The following RIMS2 variants were observed in gnomAD, a reference collection of about 807,000 sequenced individuals.
RIMS2 encodes the protein regulating synaptic membrane exocytosis protein 2.
In RIMS2, 59 loss-of-function variants were observed where a neutral mutation model predicts 174.4. That is an observed-to-expected ratio of 0.34 (90% CI 0.27 to 0.42). The LOEUF (loss-of-function observed/expected upper bound fraction) is 0.42, where lower values mean the gene tolerates loss of function less well. RIMS2 is among the 10% of genes least tolerant of loss of function. The pLI, the probability that RIMS2 is intolerant of heterozygous loss-of-function variation, is 1.00. For missense variants in RIMS2, 1,620 were observed against 1,666.3 expected, an observed-to-expected ratio of 0.97 and a Z score of 0.48; for synonymous variants, 606 against 572.5, an observed-to-expected ratio of 1.06 and a Z score of -0.84.
At chr8:103,898,548 T>C (rs1030612626) in intron 4 of RIMS2, among the ~76,000 whole-genome samples, 1 of 151,498 alleles carries the variant, frequency 6.6e-6, no homozygotes, top group African/African-American at 2.4e-5. Flanking sequence ...TTTTTTAGGA[T>C]GTATCAATGC....
intron 19 of RIMS2, among the ~76,000 whole-genome samples, chr8:104,063,153 A>G (rs2154560655): frequency 6.6e-6 from 1 of 152,152 alleles, no homozygotes; most frequent in African/African-American, 2.4e-5. Context: ...ACAACTTAAT[A>G]TTTACACCAA....
chr8:103,915,115 A>T (rs548444986), intron 6 of RIMS2, among the ~76,000 whole-genome samples: 7 of 152,194 alleles, frequency 4.6e-5, no homozygotes, highest in Non-Finnish European at 1.0e-4. Context: ...AAGAAACAAA[A>T]ATTTTGTATT....
chr8:103,802,138 G>T (rs1025952100), intron 3 of RIMS2, among the ~76,000 whole-genome samples: 14 of 152,120 alleles, frequency 9.2e-5, no homozygotes, highest in South Asian at 2.1e-4. Flanking sequence ...AGCTGTTGTG[G>T]AGAGAATTTT....
At chr8:103,656,581 G>A (rs1394905546) in intron 1 of RIMS2, among the ~76,000 whole-genome samples, 1 of 152,156 alleles carries the variant, frequency 6.6e-6, no homozygotes, top group Non-Finnish European at 1.5e-5. Flanking sequence ...GTTCTGTGGG[G>A]ACTTCTGGTT....
intron 19 of RIMS2, among the ~76,000 whole-genome samples, chr8:104,193,160 G>A (rs1473165614): frequency 6.6e-6 from 1 of 152,018 alleles, no homozygotes; most frequent in African/African-American, 2.4e-5. Flanking sequence ...CCTTCAGTGT[G>A]TGTATGTGCT....
intron 3 of RIMS2, among the ~76,000 whole-genome samples, chr8:103,815,685 G>T (rs1281511253): frequency 6.6e-6 from 1 of 152,146 alleles, no homozygotes; most frequent in African/African-American, 2.4e-5. Context: ...GAAGGATAGA[G>T]ACTTGGACAA....
chr8:104,038,218 A>T (rs1165941089), intron 19 of RIMS2, among the ~76,000 whole-genome samples: 1 of 151,970 alleles, frequency 6.6e-6, no homozygotes, highest in African/African-American at 2.4e-5. Context: ...GAGTTTATTC[A>T]TTATATTTTA....
chr8:103,822,807 C>G (rs1178882130), intron 3 of RIMS2, among the ~76,000 whole-genome samples: 4 of 151,896 alleles, frequency 2.6e-5, no homozygotes, highest in Admixed American at 6.6e-5. Flanking sequence ...ATTGTAAACT[C>G]TCTCTCAAGT....
chr8:104,080,206 C>G (rs2097388081), intron 19 of RIMS2, among the ~76,000 whole-genome samples: 1 of 151,896 alleles, frequency 6.6e-6, no homozygotes, highest in African/African-American at 2.4e-5. Context: ...TTTCTATCTA[C>G]AAATTGAAGG....
intron 1 of RIMS2, among the ~76,000 whole-genome samples, chr8:103,609,574 C>CTATA (rs1278799798): frequency 6.6e-6 from 1 of 152,156 alleles, no homozygotes; most frequent in Non-Finnish European, 1.5e-5. Flanking sequence ...TCTGCAAACA[C>CTATA]TATAGTCAGT....
chr8:103,815,930 A>G (rs2098715419), intron 3 of RIMS2, among the ~76,000 whole-genome samples: 1 of 152,230 alleles, frequency 6.6e-6, no homozygotes, highest in African/African-American at 2.4e-5. Context: ...ACCATAGCTC[A>G]GATACATAAA....
At chr8:103,812,970 T>C (rs16870727) in intron 3 of RIMS2, among the ~76,000 whole-genome samples, 23,920 of 152,172 alleles carry the variant, frequency 0.16, 1,990 homozygotes, top group Middle Eastern at 0.24. Context: ...GAAGAGAGAA[T>C]GCAGTTGTTT....
chr8:104,226,283 C>A (rs1042050394), intron 19 of RIMS2, among the ~76,000 whole-genome samples: 1 of 152,138 alleles, frequency 6.6e-6, no homozygotes, highest in Admixed American at 6.5e-5. Context: ...GATTTTAAAG[C>A]TAGTCTCTTT....
chr8:104,254,065 T>C (rs1564031299), downstream of RIMS2: 1 of 152,236 alleles, frequency 6.6e-6, no homozygotes, highest in African/African-American at 2.4e-5. Flanking sequence ...AGGTTTATGA[T>C]TTTCCTGATA....
intron 14 of RIMS2, among the ~76,000 whole-genome samples, chr8:103,952,966 T>C (rs1308075445): frequency 6.6e-6 from 1 of 152,154 alleles, no homozygotes; most frequent in Non-Finnish European, 1.5e-5. Context: ...TTGTGAAGCA[T>C]ACATGAGTAT....
chr8:104,215,348 G>C (rs947072067), intron 19 of RIMS2, among the ~76,000 whole-genome samples: 1 of 152,128 alleles, frequency 6.6e-6, no homozygotes, highest in African/African-American at 2.4e-5. Flanking sequence ...TTTAATTGTG[G>C]TTAAGGTACT....
chr8:103,581,726 G>A (rs1045783114), intron 1 of RIMS2, among the ~76,000 whole-genome samples: 7 of 152,136 alleles, frequency 4.6e-5, no homozygotes, highest in Non-Finnish European at 7.3e-5. Context: ...TTAGAAAAAC[G>A]TGAGGTCAGA....
chr8:103,557,916 G>A (rs1325536788), intron 1 of RIMS2, among the ~76,000 whole-genome samples: 1 of 152,176 alleles, frequency 6.6e-6, no homozygotes, highest in Non-Finnish European at 1.5e-5. Context: ...GTAAATGAAT[G>A]TGCAACCTTG....
chr8:104,004,333 A>T (rs1028101689), intron 17 of RIMS2, among the ~76,000 whole-genome samples: 1 of 152,194 alleles, frequency 6.6e-6, no homozygotes, highest in African/African-American at 2.4e-5. Context: ...AGAGGGAGGA[A>T]GAGGAGCTTC....
Sources: allele counts gnomAD v4.1 joint callset (sites outside exome capture counted in the v4.1 genomes callset), GRCh38; gene constraint gnomAD v4.1.1; transcripts MANE v1.5; gene names NCBI Gene and HGNC (gene_info 2026-07-23, HGNC 2026-07-21).